DOCK3: variants seen among roughly 807,000 people sequenced by gnomAD.
DOCK3 encodes dedicator of cytokinesis 3, also known as dedicator of cytokinesis protein 3.
DOCK3 carries 60 observed loss-of-function variants against 265.6 expected under a neutral mutation model. The observed-to-expected ratio is 0.23, with a 90% confidence interval of 0.18 to 0.28. The LOEUF (loss-of-function observed/expected upper bound fraction) is 0.28, where lower values mean the gene tolerates loss of function less well. DOCK3 is among the 10% of genes least tolerant of loss of function. The pLI, the probability that DOCK3 is intolerant of heterozygous loss-of-function variation, is 1.00. For synonymous variants in DOCK3, 881 were observed against 938.0 expected (o/e 0.94, Z 1.11); for missense variants, 1,981 against 2,594.3 (o/e 0.76, Z 5.14).
At chr3:50,887,188 C>T (rs2107704234) in intron 3 of DOCK3, among the ~76,000 whole-genome samples, 3 of 152,132 alleles carry the variant, frequency 2.0e-5, no homozygotes, top group Admixed American at 2.0e-4. Context: ...GATATCACCA[C>T]CGATCCCACA....
In DOCK3 at chr3:50,925,556, T is replaced by TA. The variant is rs574801837; in HGVS notation, c.219-8414dup. On this transcript the variant is annotated intron_variant, in intron 4 of 52. Coordinates refer to ENST00000266037, the MANE Select transcript of DOCK3 (RefSeq NM_004947.5). The stretch of plus-strand genomic sequence containing the variant: ...GAAACATAGCAAGACTCTGCCTCCT[T>TA]AAAAAAAAAAAGTTTTATTTAGGAA... Among the ~76,000 whole-genome samples the TA allele has an allele frequency of 7.8e-3, 1,133 of 145,556 alleles. 7 individuals carry two copies. The highest frequency in any genetic ancestry group is 0.025 in the Middle Eastern group (7 of 282).
chr3:50,992,094 T>C (rs576246153), intron 5 of DOCK3, among the ~76,000 whole-genome samples: 34 of 152,276 alleles, frequency 2.2e-4, no homozygotes, highest in Non-Finnish European at 4.1e-4. Flanking sequence ...GCTAAGGCAG[T>C]GTTAAGAGGG....
At chr3:50,805,175 T>G (rs2043337511) in intron 2 of DOCK3, among the ~76,000 whole-genome samples, 2 of 152,226 alleles carry the variant, frequency 1.3e-5, no homozygotes, top group South Asian at 4.1e-4. Context: ...AGGGAAATTC[T>G]TATTTGCATG....
intron 4 of DOCK3, among the ~76,000 whole-genome samples, chr3:50,903,993 C>G (rs1193487943): frequency 6.6e-6 from 1 of 152,048 alleles, no homozygotes; most frequent in Non-Finnish European, 1.5e-5. Flanking sequence ...CAGTTCCCAC[C>G]TATAAGTGAG....
chr3:50,705,572 G>T (rs13082847), intron 1 of DOCK3, among the ~76,000 whole-genome samples: 14,350 of 151,988 alleles, frequency 0.094, 824 homozygotes, highest in Non-Finnish European at 0.12. Flanking sequence ...CGCACCACCA[G>T]GCCCAGCTAA....
chr3:50,976,747 A>T (rs1239740825), intron 5 of DOCK3, among the ~76,000 whole-genome samples: 1 of 149,564 alleles, frequency 6.7e-6, no homozygotes, highest in Non-Finnish European at 1.5e-5. Flanking sequence ...GTGGGGTGTT[A>T]AAGTCTCCCA....
intron 2 of DOCK3, among the ~76,000 whole-genome samples, chr3:50,823,807 A>G (rs2044601656): frequency 6.6e-6 from 1 of 152,060 alleles, no homozygotes; most frequent in South Asian, 2.1e-4. Flanking sequence ...TGACTCCCCC[A>G]CCTCCCTCCC....
chr3:50,994,158 G>A (rs1575703860), intron 5 of DOCK3, among the ~76,000 whole-genome samples: 2 of 152,264 alleles, frequency 1.3e-5, no homozygotes, highest in South Asian at 4.1e-4. Context: ...GGATGGCAGA[G>A]GTTTCATACA....
intron 5 of DOCK3, among the ~76,000 whole-genome samples, chr3:50,997,657 C>T (rs1172073576): frequency 1.3e-5 from 2 of 152,184 alleles, no homozygotes; most frequent in African/African-American, 4.8e-5. Context: ...TTCCCCCTGA[C>T]ACCTGAGACA....
chr3:51,324,763 TG>T (rs2083981485), intron 32 of DOCK3, among the ~76,000 whole-genome samples: 1 of 152,042 alleles, frequency 6.6e-6, no homozygotes, highest in African/African-American at 2.4e-5. Flanking sequence ...AATAACAACA[TG>T]CATCTACAAC....
chr3:50,907,504 G>A (rs1345643889), intron 4 of DOCK3, among the ~76,000 whole-genome samples: 1 of 152,090 alleles, frequency 6.6e-6, no homozygotes, highest in Non-Finnish European at 1.5e-5. Flanking sequence ...TTACCATTAT[G>A]TAATAGCCTT....
At chr3:51,312,656 C>A (rs2109589113) in intron 30 of DOCK3, 80 bp downstream of exon 30, 1 of 1,379,768 alleles carries the variant, frequency 7.2e-7, no homozygotes, top group East Asian at 2.3e-5. Context: ...TTTCAGAGGT[C>A]CACAAGGTTC....
At chr3:51,192,250 A>G (rs1412371172) in intron 12 of DOCK3, among the ~76,000 whole-genome samples, 1 of 151,164 alleles carries the variant, frequency 6.6e-6, no homozygotes, top group African/African-American at 2.4e-5. Context: ...TTATGTGTTG[A>G]TTTTTTTGGT....
chr3:50,954,562 G>T (rs1226329025), intron 5 of DOCK3, among the ~76,000 whole-genome samples: 1 of 152,120 alleles, frequency 6.6e-6, no homozygotes, highest in Non-Finnish European at 1.5e-5. Flanking sequence ...ACCCAATATA[G>T]TGACTGGCCC....
At chr3:51,280,084 G>T (rs2081032017) in intron 26 of DOCK3, 22 bp from the exon 27 acceptor site, 3 of 1,609,008 alleles carry the variant, frequency 1.9e-6, no homozygotes, top group African/African-American at 2.7e-5. Flanking sequence ...CATGCTAAGT[G>T]TTTTTTTGGG....
chr3:51,348,907 T>C lies in DOCK3; in HGVS notation c.3971T>C (p.Leu1324Pro). The change falls in exon 39 of 53, where the codon CTC becomes CCC. Residue 1324 changes from leucine (L) to proline (P), a missense_variant. Leu to Pro is a moderately conservative substitution (Grantham distance 98). Around this residue, in one of 4 missense-constraint regions of DOCK3, gnomAD observed 1,357 missense variants for 1,866.8 expected, o/e 0.73. Transcript: ENST00000266037. ...CRELACQYES[L>P]YDYQSLSWIR... ...GAGCTGGCGTGTCAGTACGAGAGCC[T>C]CTATGATTACCAGAGCCTCAGCTGG... The C allele has an allele frequency of 2.5e-6, 4 of 1,582,788 alleles. No homozygotes were observed. Among genetic ancestry groups the C allele is most frequent in the Non-Finnish European group, 3.4e-6 (4 of 1,164,234 alleles).
chr3:51,121,271 G>A (rs541697031), intron 9 of DOCK3, among the ~76,000 whole-genome samples: 29 of 152,272 alleles, frequency 1.9e-4, no homozygotes, highest in Admixed American at 5.2e-4. Context: ...TTGTGCTTTC[G>A]GGGTGAGGCG....
chr3:50,891,725 G>A (rs1200660242), intron 4 of DOCK3, among the ~76,000 whole-genome samples: 1 of 152,054 alleles, frequency 6.6e-6, no homozygotes, highest in Non-Finnish European at 1.5e-5. Context: ...AGCTGTGAGG[G>A]ACCAAGGTGA....
intron 35 of DOCK3, among the ~76,000 whole-genome samples, chr3:51,333,489 C>T (rs1335710418): frequency 6.6e-6 from 1 of 152,164 alleles, no homozygotes; most frequent in African/African-American, 2.4e-5. Context: ...CACATGTACC[C>T]TGGAGGGATC....
Sources: allele counts gnomAD v4.1 joint callset (sites outside exome capture counted in the v4.1 genomes callset), GRCh38; gene constraint gnomAD v4.1.1; regional missense constraint gnomAD v4.1.1; transcripts MANE v1.5; gene names NCBI Gene and HGNC (gene_info 2026-07-23, HGNC 2026-07-21).